The following CYB5RL variants were observed in gnomAD, a reference collection of about 807,000 sequenced individuals.
CYB5RL encodes the protein NADH-cytochrome b5 reductase-like.
In CYB5RL, 38 loss-of-function variants were observed where a neutral mutation model predicts 37.5. The observed-to-expected ratio is 1.01, with a 90% confidence interval of 0.78 to 1.33. The LOEUF is 1.33. Among genes scored for constraint, CYB5RL ranks in the 40% most tolerant of loss-of-function variants. The pLI is 0.00. For missense variants in CYB5RL, 388 were observed against 394.4 expected, an observed-to-expected ratio of 0.98 and a Z score of 0.14; for synonymous variants, 141 against 151.9, an observed-to-expected ratio of 0.93 and a Z score of 0.53.
At position 54,174,753 on chromosome 1, in the gene CYB5RL, G is replaced by A. The variant is rs201353692; in HGVS notation, c.814C>T (p.Leu272=). 5.8e-5 allele frequency: 93 copies of A among 1,614,036 alleles called. No homozygotes were observed. The African/African-American group carries it at 1.1e-3, about 18-fold the overall frequency. Residue 272 remains leucine, a synonymous_variant, in exon 8 of 8, where the codon CTA becomes TTA. Transcript: ENST00000534324. ...CAGCAGCTGACCAGCTCTTTAATTA[G>A]GTCCTGGCCCAGGTGGCCAAAGTGG... ...KTHFGHLGQD[L]IKELVSCCRR... is the part of the protein sequence containing the mutation.
intron 6 of CYB5RL, chr1:54,183,944 C>T (rs1436610893): frequency 1.8e-5 from 5 of 276,922 alleles, no homozygotes; most frequent in African/African-American, 9.0e-5. Flanking sequence ...CACTGCACTC[C>T]AGCCTGGGCA....
chr1:54,179,204 A>T lies in CYB5RL; in HGVS notation c.689T>A (p.Phe230Tyr). ...KTFESIYLKT[F>Y]LQEQARFWNV... Reference sequence around the variant, plus strand: ...CCAGAAACGGGCCTGCTCTTGGAGGAAGGTTTTCAGGTAGATGCTCTCAAA... The same window carrying T: ...CCAGAAACGGGCCTGCTCTTGGAGGTAGGTTTTCAGGTAGATGCTCTCAAA... The change falls in exon 7 of 8, where the codon TTC (phenylalanine) becomes TAC (tyrosine). Residue 230 changes from phenylalanine to tyrosine, a missense_variant. By Grantham distance (22) the Phe-to-Tyr change is conservative. Transcript: ENST00000534324. The T allele has an allele frequency of 1.2e-6, 2 of 1,613,792 alleles. No homozygotes were observed. The highest frequency in any genetic ancestry group is 1.7e-6 in the Non-Finnish European group (2 of 1,179,832).
chr1:54,176,594 T>A (rs1462750272), intron 7 of CYB5RL, among the ~76,000 whole-genome samples: 2 of 152,128 alleles, frequency 1.3e-5, no homozygotes, highest in Non-Finnish European at 2.9e-5. Flanking sequence ...ATGAGGGGGA[T>A]CCTCTCTGAT....
intron 7 of CYB5RL, 78 bp downstream of exon 7, chr1:54,179,071 C>T: frequency 6.6e-7 from 1 of 1,510,032 alleles, no homozygotes; most frequent in Non-Finnish European, 9.0e-7. Context: ...CCAAAAGAGG[C>T]TAGAGCTGGT....
At chr1:54,177,226 C>T (rs944039576) in intron 7 of CYB5RL, among the ~76,000 whole-genome samples, 5 of 151,970 alleles carry the variant, frequency 3.3e-5, no homozygotes, top group South Asian at 2.1e-4. Context: ...GTGGCTGGTA[C>T]GGGGAGACTC....
rs1470825621 is a variant in CYB5RL at position 54,171,967 on chromosome 1, T to G, written c.*2652A>C. 6.1e-6 allele frequency: 1 copy of G among 164,050 alleles called. No individual in the cohort carries two copies. The highest frequency in any genetic ancestry group is 1.4e-5 in the Non-Finnish European group (1 of 73,758). The allele number at this position is 164,050 out of a possible 1,614,324, so 10.2% of individuals were successfully genotyped here. ...CCCACCAATGTCCCATGATAAGAGA[T>G]GCCACCAGCAGCCAGGCTGCACAGA... On this transcript the variant is annotated 3_prime_UTR_variant, in exon 8 of 8. Transcript: ENST00000534324.
At chr1:54,184,412 G>A in intron 5 of CYB5RL, 147 bp from the exon 6 acceptor site, 1 of 668,178 alleles carries the variant, frequency 1.5e-6, no homozygotes, top group Non-Finnish European at 2.5e-6. Flanking sequence ...CTACAAAGTT[G>A]GTACAGCCAT....
rs778681625 is a variant in CYB5RL at position 54,170,702 on chromosome 1, C to T, written c.*3917G>A. On this transcript the variant is annotated 3_prime_UTR_variant, in exon 8 of 8. Transcript: ENST00000534324. ...CTGGGATTACAGGTGTGAGCCACCG[C>T]GCCCGGCCCAGTAACAATCTTTATA... The T allele has an allele frequency of 4.6e-5, 9 of 194,980 alleles. No individual in the cohort carries two copies. The highest frequency in any genetic ancestry group is 9.2e-5 in the African/African-American group (4 of 43,674). 12.1% of individuals were successfully genotyped at this position (194,980 alleles called of 1,614,324 possible). A position where few individuals can be genotyped will look rare whatever the true frequency, so the allele number is the denominator to read the frequency against.
At chr1:54,188,558 C>T (rs1643922558) in intron 4 of CYB5RL, among the ~76,000 whole-genome samples, 1 of 152,174 alleles carries the variant, frequency 6.6e-6, no homozygotes, top group Non-Finnish European at 1.5e-5. Context: ...GGATAACCAC[C>T]ATGAGTCACA....
intron 4 of CYB5RL, among the ~76,000 whole-genome samples, chr1:54,189,037 G>T (rs1643926776): frequency 1.3e-5 from 2 of 152,136 alleles, no homozygotes; most frequent in African/African-American, 2.4e-5. Flanking sequence ...ACAAAAATTA[G>T]CTGGGCATGG....
chr1:54,195,622 G>A lies in CYB5RL; in HGVS notation c.-6C>T, dbSNP rs766677381. The stretch of plus-strand genomic sequence containing the variant: ...TCTTCCCTCTCAGCCATCATCAGTG[G>A]GGCTTGGGCAGCCTAGAAGGAACAA... On this transcript the variant is annotated 5_prime_UTR_variant, in exon 3 of 8. Transcript: ENST00000534324. The A allele has an allele frequency of 6.9e-6, 11 of 1,603,992 alleles. No homozygotes were observed. Among genetic ancestry groups the A allele is most frequent in the Non-Finnish European group, 9.4e-6 (11 of 1,173,578 alleles).
chr1:54,174,468 G>T lies in CYB5RL; in HGVS notation c.*151C>A. 1 of 806,072 alleles carries T rather than the reference G, an allele frequency of 1.2e-6. No individual in the cohort carries two copies. The highest frequency in any genetic ancestry group is 2.0e-6 in the Non-Finnish European group (1 of 499,728). The allele number at this position is 806,072 out of a possible 1,614,324, so 49.9% of individuals were successfully genotyped here. On this transcript the variant is annotated 3_prime_UTR_variant, in exon 8 of 8. Transcript: ENST00000534324. ...CCTCATGGGGCAGATGAGAAGTAGA[G>T]GTTCTGAGCAGTAAAGACACTTGCC...
intron 1 of CYB5RL, among the ~76,000 whole-genome samples, chr1:54,197,350 C>T (rs1442478674): frequency 7.1e-6 from 1 of 140,872 alleles, no homozygotes; most frequent in Non-Finnish European, 1.5e-5. Flanking sequence ...GAGTCTCACT[C>T]TGTTGCCCAG....
intron 1 of CYB5RL, among the ~76,000 whole-genome samples, 156 bp from the exon 2 acceptor site, chr1:54,196,647 A>T (rs193255998): frequency 8.5e-5 from 13 of 152,312 alleles, no homozygotes; most frequent in Non-Finnish European, 1.6e-4. Context: ...CTTCCTGATA[A>T]CTGCACTTCC....
rs1458879491 is a variant in CYB5RL, at chr1:54,173,369, T to C, written c.*1250A>G. 1 of 152,216 alleles carries C rather than the reference T, an allele frequency of 6.6e-6. No individual in the cohort carries two copies. Among genetic ancestry groups the C allele is most frequent in the African/African-American group, 2.4e-5 (1 of 41,458 alleles). 9.4% of individuals were successfully genotyped at this position (152,216 alleles called of 1,614,324 possible). ...TGGAGCTGTCCTTTCACTGCTGCTATGCAAAGAACCCTTGCTTCCTGTAGA... is the reference window on the plus strand; with the variant it reads ...TGGAGCTGTCCTTTCACTGCTGCTACGCAAAGAACCCTTGCTTCCTGTAGA... On this transcript the variant is annotated 3_prime_UTR_variant, in exon 8 of 8. Coordinates refer to ENST00000534324, the MANE Select transcript of CYB5RL (RefSeq NM_001031672.4).
At chr1:54,198,027 CAAAAAAA>C (rs575486117) in intron 1 of CYB5RL, among the ~76,000 whole-genome samples, 7 of 78,516 alleles carry the variant, frequency 8.9e-5, no homozygotes, top group Admixed American at 4.4e-4. Context: ...GACTCTGTCT[CAAAAAAA>C]AAAAAAAAAA....
intron 7 of CYB5RL, chr1:54,175,579 T>C: frequency 2.7e-6 from 1 of 369,700 alleles, no homozygotes; most frequent in Non-Finnish European, 5.6e-6. Context: ...GAGTACAACA[T>C]ATGTGTAGAA....
chr1:54,184,097 G>A lies in CYB5RL; in HGVS notation c.540+64C>T, dbSNP rs1660232591. 2.1e-6 allele frequency: 3 copies of A among 1,432,376 alleles called. No homozygotes were observed. The South Asian group carries it at 3.7e-5, about 18-fold the overall frequency. The allele number at this position is 1,432,376 out of a possible 1,614,324, so 88.7% of individuals were successfully genotyped here. A position where few individuals can be genotyped will look rare whatever the true frequency, so the allele number is the denominator to read the frequency against. On this transcript the variant is annotated intron_variant, in intron 6 of 7. Transcript: ENST00000534324. Reference sequence around the variant, plus strand: ...GGAGAATGGCACAGTGAGATGCTATGGGCCGAAACATGAAAACCACAGTCA... The same window carrying A: ...GGAGAATGGCACAGTGAGATGCTATAGGCCGAAACATGAAAACCACAGTCA...
At chr1:54,179,933 C>T in intron 6 of CYB5RL, 1 of 453,284 alleles carries the variant, frequency 2.2e-6, no homozygotes, top group Non-Finnish European at 4.4e-6. Context: ...AGCACTGGCA[C>T]AAAAGAGTCA....
Sources: gnomAD v4.1 joint callset for allele counts (sites outside exome capture counted in the v4.1 genomes callset) on GRCh38, gnomAD v4.1.1 for gene constraint, MANE v1.5 for transcripts, NCBI Gene and HGNC (gene_info 2026-07-23, HGNC 2026-07-21) for gene names.